The following NUP153 variants were observed in gnomAD, a reference collection of about 807,000 sequenced individuals.
NUP153 encodes nuclear pore complex protein Nup153.
NUP153 carries 27 observed loss-of-function variants against 134.6 expected under a neutral mutation model. The ratio of observed to expected loss-of-function variants is 0.20; its 90% CI spans 0.15 to 0.28. NUP153 has a LOEUF of 0.28. Among genes scored for constraint, NUP153 ranks in the 10% least tolerant of loss-of-function variants. The pLI is 1.00. For missense variants in NUP153, 1,821 were observed against 1,731.3 expected, an observed-to-expected ratio of 1.05 and a Z score of -0.92; for synonymous variants, 640 against 623.5, an observed-to-expected ratio of 1.03 and a Z score of -0.40.
chr6:17,683,859 T>A (rs182560385), intron 2 of NUP153, among the ~76,000 whole-genome samples: 76 of 152,282 alleles, frequency 5.0e-4, no homozygotes, highest in African/African-American at 1.8e-3. Context: ...AGTCATCTGA[T>A]AGTTTAGATG....
intron 11 of NUP153, among the ~76,000 whole-genome samples, chr6:17,655,260 G>A (rs903633435): frequency 6.6e-6 from 1 of 152,010 alleles, no homozygotes; most frequent in Non-Finnish European, 1.5e-5. Context: ...ATTCCAAATG[G>A]GTAATTTTAC....
intron 11 of NUP153, among the ~76,000 whole-genome samples, chr6:17,657,685 A>C (rs918479681): frequency 1.3e-5 from 2 of 152,180 alleles, no homozygotes; most frequent in Admixed American, 6.5e-5. Context: ...TATTTTCCTC[A>C]TACAGAGATA....
intron 8 of NUP153, among the ~76,000 whole-genome samples, chr6:17,667,996 T>C (rs1291919894): frequency 6.6e-5 from 10 of 151,882 alleles, no homozygotes; most frequent in Non-Finnish European, 4.4e-5. Flanking sequence ...ACACAATAGA[T>C]TTCACAAAAT....
chr6:17,659,860 T>C (rs1767079674), intron 11 of NUP153, among the ~76,000 whole-genome samples: 1 of 152,198 alleles, frequency 6.6e-6, no homozygotes, highest in Admixed American at 6.6e-5. Context: ...TTATATACTG[T>C]TTGTATGATC....
chr6:17,651,280 G>T (rs1323960824), intron 11 of NUP153, among the ~76,000 whole-genome samples: 1 of 152,020 alleles, frequency 6.6e-6, no homozygotes. Context: ...TCCATCCTGG[G>T]TGACAGCAAG....
intron 5 of NUP153, among the ~76,000 whole-genome samples, chr6:17,670,413 A>C (rs1378414077): frequency 6.6e-6 from 1 of 152,162 alleles, no homozygotes; most frequent in East Asian, 1.9e-4. Context: ...AAACTCGCTT[A>C]TTAGTTGTGG....
At chr6:17,632,242 A>G (rs1765290724) in intron 17 of NUP153, among the ~76,000 whole-genome samples, 2 of 152,168 alleles carry the variant, frequency 1.3e-5, no homozygotes, top group Admixed American at 6.5e-5. Context: ...CGGAGATTGC[A>G]GTGAGCAGAG....
At chr6:17,676,723 A>C (rs1768243866) in intron 2 of NUP153, among the ~76,000 whole-genome samples, 1 of 152,100 alleles carries the variant, frequency 6.6e-6, no homozygotes, top group South Asian at 2.1e-4. Context: ...CCCTACGATT[A>C]CCCAGCTCTC....
chr6:17,632,140 A>G (rs1276897392), intron 17 of NUP153, among the ~76,000 whole-genome samples: 1 of 152,016 alleles, frequency 6.6e-6, no homozygotes, highest in Non-Finnish European at 1.5e-5. Flanking sequence ...CAGTCAAATA[A>G]AAGTCAGTAA....
chr6:17,675,167 A>T lies in NUP153; in HGVS notation c.723+62T>A, dbSNP rs893000726. 2 of 1,570,842 alleles carry T rather than the reference A, an allele frequency of 1.3e-6. No homozygotes were observed. Among genetic ancestry groups the T allele is most frequent in the African/African-American group, 2.8e-5 (2 of 72,362 alleles). On this transcript the variant is annotated intron_variant, in intron 4 of 21. Coordinates refer to ENST00000262077, the MANE Select transcript of NUP153 (RefSeq NM_005124.4). This position sits in a 1 kb window ranked among gnomAD's most constrained non-coding sequence, Gnocchi z 4.4. ...GACTCTTGTCTCAGAAAAAAAAAAA[A>T]AAATTATAAGCAATAAACACTCAAA...
chr6:17,634,988 A>T (rs953514339), intron 16 of NUP153, among the ~76,000 whole-genome samples: 35 of 152,314 alleles, frequency 2.3e-4, no homozygotes, highest in African/African-American at 5.3e-4. Context: ...ATAAAAAAAA[A>T]AAATAAATCG....
rs562583957 is a variant in NUP153 at position 17,624,602 on chromosome 6, G to A, written c.4133C>T (p.Pro1378Leu). The change falls in exon 20 of 22, where the codon CCT becomes CTT. Residue 1378 changes from proline (P) to leucine (L), a missense_variant. Transcript: ENST00000262077. ...SSQPPVFGQQ[P>L]SQSAFGSGTT... ...TCCAGAGCCAAATGCAGACTGACTA[G>A]GTTGCTGTCCAAACACAGGGGGCTG... The A allele has an allele frequency of 6.2e-6, 10 of 1,614,190 alleles. No homozygotes were observed. The South Asian group carries it at 9.9e-5, about 16-fold the overall frequency.
Position 17,628,744 on chromosome 6 carries a change from C to G in NUP153, c.3455G>C (p.Ser1152Thr). The G allele has an allele frequency of 6.2e-7, 1 of 1,614,114 alleles. No homozygotes were observed. Among genetic ancestry groups the G allele is most frequent in the Non-Finnish European group, 8.5e-7 (1 of 1,180,010 alleles). Reference sequence around the variant, plus strand: ...CTCAGATGGTTTTGTCATACTAAAACTAAATGTGGACTTTGAAGAATTCTC... The same window carrying G: ...CTCAGATGGTTTTGTCATACTAAAAGTAAATGTGGACTTTGAAGAATTCTC... The part of the protein sequence containing the change: ...KDENSSKSTF[S>T]FSMTKPSEKE... Residue 1152 changes from serine (S) to threonine (T), a missense_variant, in exon 18 of 22, where the codon AGT becomes ACT. By Grantham distance (58) the Ser-to-Thr change is moderately conservative. Transcript: ENST00000262077. The surrounding 1 kb of genome is among the most constrained non-coding windows in gnomAD (Gnocchi z 5.4).
chr6:17,624,596 T>G lies in NUP153; in HGVS notation c.4139A>C (p.Gln1380Pro), dbSNP rs1226557756. ...AGTTGTTCCAGAGCCAAATGCAGAC[T>G]GACTAGGTTGCTGTCCAAACACAGG... The part of the protein sequence containing the change: ...QPPVFGQQPS[Q>P]SAFGSGTTPN... The change falls in exon 20 of 22, where the codon CAG (glutamine) becomes CCG (proline). Residue 1380 changes from glutamine to proline, a missense_variant. Coordinates refer to ENST00000262077, the MANE Select transcript of NUP153 (RefSeq NM_005124.4). 6.2e-7 allele frequency: 1 copy of G among 1,614,182 alleles called. No homozygotes were observed. The highest frequency in any genetic ancestry group is 8.5e-7 in the Non-Finnish European group (1 of 1,180,030).
chr6:17,665,492 A>G, intron 8 of NUP153, 107 bp from the exon 9 acceptor site: 1 of 823,362 alleles, frequency 1.2e-6, no homozygotes, highest in Non-Finnish European at 1.9e-6. Flanking sequence ...AGTATTTCCC[A>G]GAGAAATATA....
intron 1 of NUP153, among the ~76,000 whole-genome samples, chr6:17,691,480 T>G (rs1030316318): frequency 1.1e-4 from 16 of 151,948 alleles, no homozygotes; most frequent in African/African-American, 3.9e-4. Context: ...AAGACAGACT[T>G]AAGGCTGGGC....
chr6:17,685,544 G>A (rs920465191), intron 2 of NUP153, among the ~76,000 whole-genome samples: 8 of 124,526 alleles, frequency 6.4e-5, no homozygotes, highest in Middle Eastern at 3.8e-3. Flanking sequence ...GCAAGACTCC[G>A]TCTCAAAAAA....
In NUP153 at chr6:17,646,135, A is replaced by C; in HGVS notation, c.1652T>G (p.Val551Gly). ...PPSSIGFTFS[V>G]PVAKTAELSG... is the part of the protein sequence containing the mutation. ...AAGTTCTGCTGTTTTTGCAACAGGCACACTAAATGTAAATCCAATCTGTAA... is the reference window on the plus strand; with the variant it reads ...AAGTTCTGCTGTTTTTGCAACAGGCCCACTAAATGTAAATCCAATCTGTAA... The change falls in exon 14 of 22, where the codon GTG (valine) becomes GGG (glycine). Residue 551 changes from valine to glycine, a missense_variant. Coordinates refer to ENST00000262077, the MANE Select transcript of NUP153 (RefSeq NM_005124.4). 6.3e-7 allele frequency: 1 copy of C among 1,590,686 alleles called. No homozygotes were observed. Among genetic ancestry groups the C allele is most frequent in the Non-Finnish European group, 8.6e-7 (1 of 1,159,182 alleles).
At chr6:17,653,996 GCACCAA>G (rs1459613913) in intron 11 of NUP153, among the ~76,000 whole-genome samples, 7 of 152,096 alleles carry the variant, frequency 4.6e-5, no homozygotes, top group Non-Finnish European at 7.4e-5. Context: ...TCTTTAAAAT[GCACCAA>G]AAAATAAAAA....
Sources: allele counts gnomAD v4.1 joint callset (sites outside exome capture counted in the v4.1 genomes callset), GRCh38; gene constraint gnomAD v4.1.1; non-coding constraint Gnocchi (gnomAD v3.1); transcripts MANE v1.5; gene names NCBI Gene and HGNC (gene_info 2026-07-23, HGNC 2026-07-21).